The following GPATCH2 variants were observed in gnomAD, a reference collection of about 807,000 sequenced individuals.
GPATCH2 encodes the protein G-patch domain containing 2, also known as G patch domain-containing protein 2.
Under a neutral mutation model 58.0 loss-of-function variants are expected in GPATCH2, and 51 were observed. The observed-to-expected ratio is 0.88, with a 90% CI of 0.70 to 1.11. The LOEUF is 1.11. Ranked by LOEUF, GPATCH2 falls within the 50% of genes most tolerant of loss-of-function variation. The pLI is 0.00. For missense variants in GPATCH2, 625 were observed against 652.2 expected, an observed-to-expected ratio of 0.96 and a Z score of 0.45; for synonymous variants, 222 against 218.5, an observed-to-expected ratio of 1.02 and a Z score of -0.14.
chr1:217,622,839 G>T (rs1483525167), intron 1 of GPATCH2, among the ~76,000 whole-genome samples: 1 of 152,172 alleles, frequency 6.6e-6, no homozygotes, highest in African/African-American at 2.4e-5. Flanking sequence ...ACCACGCCCA[G>T]CCCCACAAAT....
At chr1:217,480,854 T>G (rs1661182874) in intron 8 of GPATCH2, among the ~76,000 whole-genome samples, 1 of 151,824 alleles carries the variant, frequency 6.6e-6, no homozygotes, top group African/African-American at 2.4e-5. Context: ...GGAACTGGAG[T>G]TGATTATGCT....
intron 8 of GPATCH2, among the ~76,000 whole-genome samples, chr1:217,489,892 CAAATT>C (rs1406901771): frequency 6.6e-6 from 1 of 152,064 alleles, no homozygotes; most frequent in Non-Finnish European, 1.5e-5. Context: ...AACTCCGTCT[CAAATT>C]AAAGAAATTT....
chr1:217,502,119 G>A (rs748142526), intron 6 of GPATCH2, among the ~76,000 whole-genome samples: 48 of 151,962 alleles, frequency 3.2e-4, no homozygotes, highest in Non-Finnish European at 5.4e-4. Context: ...CCTGAATACT[G>A]TAGCTATACA....
At chr1:217,586,968 T>C (rs893183349) in intron 5 of GPATCH2, among the ~76,000 whole-genome samples, 2 of 152,166 alleles carry the variant, frequency 1.3e-5, no homozygotes, top group African/African-American at 2.4e-5. Flanking sequence ...TAACATAAAA[T>C]TCTTGATAGT....
At chr1:217,541,783 G>A (rs897637489) in intron 5 of GPATCH2, among the ~76,000 whole-genome samples, 8 of 152,182 alleles carry the variant, frequency 5.3e-5, no homozygotes, top group Admixed American at 3.3e-4. Flanking sequence ...CAATGGGTTG[G>A]GTAATTCACT....
rs762327520 is a variant in GPATCH2, at chr1:217,620,211, A to G, written c.345T>C (p.Ser115=). ...ENHNNNKKDH[S]DSDDQMLVAK... The stretch of plus-strand genomic sequence containing the variant: ...CTACTAACATTTGGTCATCAGAGTC[A>G]CTGTGATCTTTTTTATTATTATTGT... The change falls in exon 2 of 10, where the codon AGT becomes AGC. Residue 115 remains serine (S), a synonymous_variant. Coordinates refer to ENST00000366935, the MANE Select transcript of GPATCH2 (RefSeq NM_018040.5). 6.2e-7 allele frequency: 1 copy of G among 1,613,964 alleles called. No individual in the cohort carries two copies. The highest frequency in any genetic ancestry group is 2.2e-5 in the East Asian group (1 of 44,880).
Position 217,431,388 on chromosome 1 carries a change from C to T in GPATCH2, c.1367-23G>A, listed in dbSNP as rs751126270. On this transcript the variant is annotated intron_variant, in intron 9 of 9. Coordinates refer to ENST00000366935, the MANE Select transcript of GPATCH2 (RefSeq NM_018040.5). ...ATCCTGAAATGATAAAACAACAGCA[C>T]ACATTAATCAGTATGAACACAGGTG... is the stretch of plus-strand genomic sequence containing the variant. 3.3e-6 allele frequency: 4 copies of T among 1,219,896 alleles called. No homozygotes were observed. The East Asian group carries it at 7.0e-5, about 21-fold the overall frequency. The allele number at this position is 1,219,896 out of a possible 1,614,324, so 75.6% of individuals were successfully genotyped here.
At chr1:217,495,360 C>G (rs560189885) in intron 7 of GPATCH2, among the ~76,000 whole-genome samples, 1 of 152,276 alleles carries the variant, frequency 6.6e-6, no homozygotes, top group Non-Finnish European at 1.5e-5. Flanking sequence ...ATAAGGCACT[C>G]AAGCTCAGGA....
At chr1:217,542,370 C>A (rs982031830) in intron 5 of GPATCH2, among the ~76,000 whole-genome samples, 2 of 152,326 alleles carry the variant, frequency 1.3e-5, no homozygotes, top group African/African-American at 4.8e-5. Flanking sequence ...CCATGCTATG[C>A]CCATTATAGT....
Position 217,630,981 on chromosome 1 carries a change from C to A in GPATCH2, c.-10G>T, listed in dbSNP as rs772498308. On this transcript the variant is annotated 5_prime_UTR_variant, in exon 1 of 10. Coordinates refer to ENST00000366935, the MANE Select transcript of GPATCH2 (RefSeq NM_018040.5). ...CGGCGGCCCCGAACATTAACGACAC[C>A]CGGGAGCCTGGCCTCGAAGCTCAGG... is the stretch of plus-strand genomic sequence containing the variant. 1 of 1,586,656 alleles carries A rather than the reference C, an allele frequency of 6.3e-7. No individual in the cohort carries two copies. The highest frequency in any genetic ancestry group is 1.7e-5 in the Admixed American group (1 of 58,552).
Position 217,495,044 on chromosome 1 carries a change from C to T in GPATCH2, c.1207-3294G>A, listed in dbSNP as rs116554629. On this transcript the variant is annotated intron_variant, in intron 7 of 9. Coordinates refer to ENST00000366935, the MANE Select transcript of GPATCH2 (RefSeq NM_018040.5). ...CAACTTTCAGATTGCTGGACTTAGGCCAAACGAAGATACAATCCCCTTATT... is the reference window on the plus strand; with the variant it reads ...CAACTTTCAGATTGCTGGACTTAGGTCAAACGAAGATACAATCCCCTTATT... The T allele has an allele frequency of 9.8e-3, 6,012 of 611,630 alleles. 57 individuals carry two copies. The highest frequency in any genetic ancestry group is 0.037 in the South Asian group (505 of 13,726). 37.9% of individuals were successfully genotyped at this position (611,630 alleles called of 1,614,324 possible). A position where few individuals can be genotyped will look rare whatever the true frequency, so the allele number is the denominator to read the frequency against.
intron 5 of GPATCH2, among the ~76,000 whole-genome samples, chr1:217,576,113 C>T (rs926775271): frequency 6.6e-6 from 1 of 152,090 alleles, no homozygotes; most frequent in Non-Finnish European, 1.5e-5. Flanking sequence ...CTTACATATC[C>T]AAACTTCAAT....
At chr1:217,561,096 C>CA (rs1305887764) in intron 5 of GPATCH2, among the ~76,000 whole-genome samples, 1 of 152,008 alleles carries the variant, frequency 6.6e-6, no homozygotes, top group Non-Finnish European at 1.5e-5. Flanking sequence ...AACAAACAGA[C>CA]AAAAACAAAG....
chr1:217,476,235 A>AGTGTGTGTGTGTGTGTGTGT (rs60995546), intron 8 of GPATCH2, among the ~76,000 whole-genome samples: 79 of 146,388 alleles, frequency 5.4e-4, no homozygotes, highest in East Asian at 2.8e-3. Context: ...TCCAGATATG[A>AGTGTGTGTGTGTGTGTGTGT]GTGTGTGTGT....
rs1472803267 is a variant in GPATCH2 at position 217,620,512 on chromosome 1, G to A, written c.57-13C>T. On this transcript the variant is annotated splice_polypyrimidine_tract_variant and intron_variant, in intron 1 of 9. Coordinates refer to ENST00000366935, the MANE Select transcript of GPATCH2 (RefSeq NM_018040.5). ...TCTACTGAAATGCCTTCATTTTTTAGAGAAAGAAAAAAGAAAATAGTCAGT... is the reference window on the plus strand; with the variant it reads ...TCTACTGAAATGCCTTCATTTTTTAAAGAAAGAAAAAAGAAAATAGTCAGT... 4 of 1,510,642 alleles carry A rather than the reference G, an allele frequency of 2.6e-6. No homozygotes were observed. Among genetic ancestry groups the A allele is most frequent in the Admixed American group, 3.9e-5 (2 of 51,074 alleles). The allele number at this position is 1,510,642 out of a possible 1,614,324, so 93.6% of individuals were successfully genotyped here.
intron 5 of GPATCH2, among the ~76,000 whole-genome samples, chr1:217,524,961 A>G (rs1663810091): frequency 9.7e-6 from 1 of 102,724 alleles, no homozygotes; most frequent in East Asian, 3.1e-4. Context: ...GTTTTTGCTC[A>G]GCAGCTTCCT....
chr1:217,530,743 G>A (rs1571870296), intron 5 of GPATCH2, among the ~76,000 whole-genome samples: 1 of 152,288 alleles, frequency 6.6e-6, no homozygotes. Flanking sequence ...CTTAAAGCCT[G>A]TGGTACTTAG....
At chr1:217,630,542 A>C (rs933329496) in intron 1 of GPATCH2, among the ~76,000 whole-genome samples, 3 of 152,140 alleles carry the variant, frequency 2.0e-5, no homozygotes, top group Non-Finnish European at 4.4e-5. Flanking sequence ...CTTCCAAAAG[A>C]CTTGGTATAA....
intron 8 of GPATCH2, among the ~76,000 whole-genome samples, chr1:217,456,747 C>T (rs1456072293): frequency 6.6e-6 from 1 of 152,160 alleles, no homozygotes; most frequent in Non-Finnish European, 1.5e-5. Context: ...GCAAACTATT[C>T]ATAACCTAAA....
Sources: gnomAD v4.1 joint callset for allele counts (sites outside exome capture counted in the v4.1 genomes callset) on GRCh38, gnomAD v4.1.1 for gene constraint, MANE v1.5 for transcripts, NCBI Gene and HGNC (gene_info 2026-07-23, HGNC 2026-07-21) for gene names.